Variants in LINGO2 observed in about 807,000 individuals in gnomAD.
LINGO2 encodes the protein leucine-rich repeat and immunoglobulin-like domain-containing nogo receptor-interacting protein 2.
Under a neutral mutation model 30.6 loss-of-function variants are expected in LINGO2, and 14 were observed. The observed-to-expected ratio is 0.46, with a 90% CI of 0.30 to 0.72. LINGO2 has a LOEUF of 0.72. Among genes scored for constraint, LINGO2 ranks in the 30% least tolerant of loss-of-function variants. LINGO2 has a pLI of 0.07. For synonymous variants in LINGO2, 317 were observed against 288.5 expected (o/e 1.10, Z -1.00); for missense variants, 729 against 751.7 (o/e 0.97, Z 0.35).
At chr9:28,096,676 G>C (rs1027736935) in intron 4 of LINGO2, among the ~76,000 whole-genome samples, 2 of 143,410 alleles carry the variant, frequency 1.4e-5, no homozygotes, top group African/African-American at 5.0e-5. Context: ...GTCAGGCACT[G>C]GGCTAGGTCC....
chr9:28,509,990 G>A (rs951476219), intron 1 of LINGO2, among the ~76,000 whole-genome samples: 6 of 152,330 alleles, frequency 3.9e-5, no homozygotes, highest in Middle Eastern at 6.8e-3. Context: ...TATCAATGCA[G>A]TGGCAGTTGC....
intron 1 of LINGO2, among the ~76,000 whole-genome samples, chr9:28,617,605 C>G (rs542670221): frequency 2.0e-5 from 3 of 152,056 alleles, no homozygotes; most frequent in Non-Finnish European, 4.4e-5. Flanking sequence ...AATAACATTT[C>G]TAATTTATTA....
the LINGO2 span, among the ~76,000 whole-genome samples, chr9:28,805,136 G>C: frequency 1.3e-5 from 2 of 152,112 alleles, no homozygotes; most frequent in African/African-American, 4.8e-5. Context: ...TGATACTCAG[G>C]TTCTGTTAAC....
At chr9:28,651,453 C>T (rs1378043250) in intron 1 of LINGO2, among the ~76,000 whole-genome samples, 2 of 151,968 alleles carry the variant, frequency 1.3e-5, no homozygotes, top group Non-Finnish European at 2.9e-5. Context: ...CTCTGAGAAC[C>T]TCTCATTCTA....
chr9:28,553,003 ATTGT>A (rs1438456337), intron 1 of LINGO2, among the ~76,000 whole-genome samples: 1 of 151,792 alleles, frequency 6.6e-6, no homozygotes, highest in Non-Finnish European at 1.5e-5. Context: ...TCTCCGAGTT[ATTGT>A]TTGTTTGTTT....
Position 28,034,930 on chromosome 9 carries a change from G to A in LINGO2, c.-86-22525C>T, listed in dbSNP as rs534619978. The stretch of plus-strand genomic sequence containing the variant: ...AAAGTGTGAGTTGCAGATTTTGAGT[G>A]TATAGAGTAAGTGTAGCTAGCTATG... On this transcript the variant is annotated intron_variant, in intron 4 of 5. Coordinates refer to ENST00000379992, the Ensembl canonical transcript of LINGO2. 1.4e-4 allele frequency among the ~76,000 whole-genome samples: 22 copies of A among 152,312 alleles called. No homozygotes were observed. In the South Asian group the frequency reaches 1.9e-3, roughly 13 times the overall value.
chr9:29,084,191 CA>C, the LINGO2 span, among the ~76,000 whole-genome samples: 72,080 of 151,708 alleles, frequency 0.48, 17,987 homozygotes, highest in African/African-American at 0.64. Flanking sequence ...GATTATTCTA[CA>C]AAAAAATGTG....
Position 28,306,428 on chromosome 9 carries a change from A to C in LINGO2, c.-245-11062T>G, listed in dbSNP as rs1260300498. 3.9e-5 allele frequency among the ~76,000 whole-genome samples: 6 copies of C among 152,358 alleles called. No individual in the cohort carries two copies. The East Asian group carries it at 7.7e-4, about 20-fold the overall frequency. ...AGAATCTCTGGGACACAGTCAAAAC[A>C]GTGTGTAGAGGGAAATTTATAGCAC... On this transcript the variant is annotated intron_variant, in intron 3 of 5. Coordinates refer to ENST00000379992, the Ensembl canonical transcript of LINGO2.
intron 5 of LINGO2, among the ~76,000 whole-genome samples, chr9:27,958,318 ATTGTGT>A (rs911112020): frequency 3.3e-5 from 5 of 152,154 alleles, no homozygotes; most frequent in African/African-American, 1.2e-4. Flanking sequence ...TTTATTGAAT[ATTGTGT>A]TTGTAATATT....
the LINGO2 span, among the ~76,000 whole-genome samples, chr9:29,188,959 G>A: frequency 6.8e-6 from 1 of 147,608 alleles, no homozygotes; most frequent in Non-Finnish European, 1.5e-5. Context: ...CCGGCGGGGG[G>A]CTGACCCCCC....
At chr9:27,985,592 GAA>G (rs932395908) in intron 5 of LINGO2, among the ~76,000 whole-genome samples, 1 of 134,256 alleles carries the variant, frequency 7.4e-6, no homozygotes, top group African/African-American at 3.3e-5. Flanking sequence ...CAAAACACAA[GAA>G]AAAGTGTAGT....
intron 4 of LINGO2, among the ~76,000 whole-genome samples, chr9:28,118,225 C>T (rs1267237667): frequency 6.6e-6 from 1 of 151,932 alleles, no homozygotes; most frequent in Non-Finnish European, 1.5e-5. Context: ...TGCACATGGA[C>T]CCCCAAAATT....
chr9:28,515,203 C>T (rs1018279436), intron 1 of LINGO2, among the ~76,000 whole-genome samples: 23 of 109,612 alleles, frequency 2.1e-4, no homozygotes, highest in African/African-American at 7.8e-4. Flanking sequence ...TTAAGAAATA[C>T]ATTTTTTTTT....
chr9:28,282,602 A>G (rs2134133106), intron 4 of LINGO2, among the ~76,000 whole-genome samples: 1 of 152,254 alleles, frequency 6.6e-6, no homozygotes, highest in Non-Finnish European at 1.5e-5. Context: ...GTTATCTTAG[A>G]CCCTGTACTA....
At chr9:28,345,020 TA>T (rs1157727811) in intron 3 of LINGO2, among the ~76,000 whole-genome samples, 1 of 152,018 alleles carries the variant, frequency 6.6e-6, no homozygotes, top group Non-Finnish European at 1.5e-5. Context: ...TGACTCAATA[TA>T]AAATCTGGCA....
Position 28,244,097 on chromosome 9 carries a change from G to T in LINGO2, c.-87+51111C>A, listed in dbSNP as rs560642012. On this transcript the variant is annotated intron_variant, in intron 4 of 5. Transcript: ENST00000379992. ...GGAAGTAAAACACTCCTCAGCAAACGCATAAGAACAGAAATCATACAAACA... is the reference window on the plus strand; with the variant it reads ...GGAAGTAAAACACTCCTCAGCAAACTCATAAGAACAGAAATCATACAAACA... 1.1e-4 allele frequency among the ~76,000 whole-genome samples: 17 copies of T among 152,196 alleles called. No individual in the cohort carries two copies. In the East Asian group the frequency reaches 3.1e-3, roughly 28 times the overall value.
chr9:28,695,077 G>A, the LINGO2 span, among the ~76,000 whole-genome samples: 1 of 148,764 alleles, frequency 6.7e-6, no homozygotes, highest in Non-Finnish European at 1.5e-5. Context: ...AAACAAACAA[G>A]CACTCCTGTT....
intron 1 of LINGO2, among the ~76,000 whole-genome samples, chr9:28,659,536 C>A (rs1036848756): frequency 1.3e-5 from 2 of 151,722 alleles, no homozygotes; most frequent in South Asian, 4.2e-4. Flanking sequence ...CAGCCTTGAA[C>A]TCCTGGGATC....
At chr9:28,669,927 T>C (rs1302198270) in intron 1 of LINGO2, among the ~76,000 whole-genome samples, 2 of 151,984 alleles carry the variant, frequency 1.3e-5, no homozygotes, top group East Asian at 1.9e-4. Context: ...AGAAACAGTA[T>C]ACAGACTGTC....
Sources: allele counts gnomAD v4.1 joint callset (sites outside exome capture counted in the v4.1 genomes callset), GRCh38; gene constraint gnomAD v4.1.1; transcripts MANE v1.5; gene names NCBI Gene and HGNC (gene_info 2026-07-23, HGNC 2026-07-21).